The following CDH18 variants were observed in gnomAD, a reference collection of about 807,000 sequenced individuals.
CDH18 encodes the protein cadherin-18.
A neutral mutation model predicts 67.9 loss-of-function variants in CDH18; 31 were observed. The observed-to-expected ratio is 0.46, with a 90% CI of 0.34 to 0.62. CDH18 has a LOEUF of 0.62. CDH18 is among the 20% of genes least tolerant of loss of function. The pLI, the probability that CDH18 is intolerant of heterozygous loss-of-function variation, is 0.01. For synonymous variants in CDH18, 362 were observed against 347.2 expected (o/e 1.04, Z -0.48); for missense variants, 890 against 975.5 (o/e 0.91, Z 1.17).
chr5:20,520,108 C>T (rs1045123479), intron 1 of CDH18, among the ~76,000 whole-genome samples: 3 of 150,952 alleles, frequency 2.0e-5, no homozygotes, highest in South Asian at 4.2e-4. Flanking sequence ...CAGCAGATGT[C>T]CTTTTGAAAA....
At chr5:20,146,929 C>A (rs753754871) in intron 2 of CDH18, among the ~76,000 whole-genome samples, 5 of 151,992 alleles carry the variant, frequency 3.3e-5, no homozygotes, top group Admixed American at 2.0e-4. Flanking sequence ...TACTACTTTT[C>A]TTGACCTCTT....
chr5:20,469,495 TTC>T (rs1472288206), intron 1 of CDH18, among the ~76,000 whole-genome samples: 2 of 152,160 alleles, frequency 1.3e-5, no homozygotes, highest in African/African-American at 4.8e-5. Flanking sequence ...GCCAGAAAAT[TTC>T]TCTTTCTTCA....
At chr5:20,222,672 C>T (rs1347550476) in intron 2 of CDH18, among the ~76,000 whole-genome samples, 2 of 151,696 alleles carry the variant, frequency 1.3e-5, no homozygotes, top group East Asian at 3.9e-4. Context: ...AGAATTACAA[C>T]AGCCTTTTTT....
intron 2 of CDH18, among the ~76,000 whole-genome samples, chr5:20,152,699 A>G (rs1751218739): frequency 6.6e-6 from 1 of 152,156 alleles, no homozygotes; most frequent in Non-Finnish European, 1.5e-5. Context: ...AATAAATACA[A>G]GATGGTTCTA....
chr5:20,173,875 G>T (rs1737032369), intron 2 of CDH18, among the ~76,000 whole-genome samples: 1 of 151,988 alleles, frequency 6.6e-6, no homozygotes, highest in Non-Finnish European at 1.5e-5. Flanking sequence ...CGATTTTTAA[G>T]GAGATTAATC....
At chr5:19,563,468 T>C (rs1296681831) in intron 8 of CDH18, among the ~76,000 whole-genome samples, 1 of 152,184 alleles carries the variant, frequency 6.6e-6, no homozygotes, top group Admixed American at 6.6e-5. Flanking sequence ...AAAGCTACAT[T>C]CCCAAAAGCT....
Position 19,473,625 on chromosome 5 carries a change from A to G in CDH18, c.1974T>C (p.Tyr658=). The G allele has an allele frequency of 6.2e-7, 1 of 1,613,866 alleles. No homozygotes were observed. Among genetic ancestry groups the G allele is most frequent in the Non-Finnish European group, 8.5e-7 (1 of 1,179,838 alleles). ...EEDVRENVVT[Y]DDEGGGEEDT... ...CTTCCTCTCCGCCTCCTTCATCATC[A>G]TAGGTGACCACGTTCTCCCGTACAT... Residue 658 remains tyrosine (Y), a synonymous_variant, in exon 13 of 13, where the codon TAT becomes TAC. Coordinates refer to ENST00000382275, the MANE Select transcript of CDH18 (RefSeq NM_004934.5).
chr5:20,128,381 T>C (rs377642633), intron 2 of CDH18, among the ~76,000 whole-genome samples: 1 of 152,084 alleles, frequency 6.6e-6, no homozygotes, highest in Non-Finnish European at 1.5e-5. Context: ...AAAAGAAATA[T>C]ACATGGTGGA....
intron 2 of CDH18, among the ~76,000 whole-genome samples, chr5:20,039,251 T>C (rs193296867): frequency 1.3e-5 from 2 of 152,268 alleles, no homozygotes; most frequent in Admixed American, 1.3e-4. Context: ...ATCAATATCA[T>C]GAAAATAACC....
chr5:20,387,262 C>A (rs1208264790), intron 1 of CDH18, among the ~76,000 whole-genome samples: 2 of 152,162 alleles, frequency 1.3e-5, no homozygotes. Flanking sequence ...GTTTGTAGTT[C>A]TCCTTGAAGA....
chr5:19,853,694 G>T (rs756431468), intron 2 of CDH18, among the ~76,000 whole-genome samples: 13 of 152,134 alleles, frequency 8.5e-5, no homozygotes, highest in Non-Finnish European at 1.8e-4. Flanking sequence ...AATTAGGTGA[G>T]TGGAGGAGAT....
At chr5:20,206,261 C>T (rs879292568) in intron 2 of CDH18, among the ~76,000 whole-genome samples, 1 of 151,812 alleles carries the variant, frequency 6.6e-6, no homozygotes, top group Non-Finnish European at 1.5e-5. Flanking sequence ...TTCCTGGACA[C>T]ATATAACCTA....
intron 2 of CDH18, among the ~76,000 whole-genome samples, chr5:20,036,722 C>A (rs1008660326): frequency 6.6e-6 from 1 of 152,056 alleles, no homozygotes; most frequent in Non-Finnish European, 1.5e-5. Flanking sequence ...GTGTTAAAGT[C>A]TCCCACTATT....
chr5:20,270,137 G>A (rs762158032), intron 1 of CDH18, among the ~76,000 whole-genome samples: 2 of 150,420 alleles, frequency 1.3e-5, no homozygotes, highest in Middle Eastern at 3.2e-3. Flanking sequence ...TAAATAAAAT[G>A]ATGCAGGAGA....
chr5:20,228,846 T>C (rs1197017309), intron 2 of CDH18, among the ~76,000 whole-genome samples: 1 of 152,140 alleles, frequency 6.6e-6, no homozygotes, highest in Non-Finnish European at 1.5e-5. Flanking sequence ...ACATGGCATA[T>C]ATACCCAATG....
At chr5:19,970,274 A>T in intron 2 of CDH18, among the ~76,000 whole-genome samples, 1 of 151,404 alleles carries the variant, frequency 6.6e-6, no homozygotes, top group Non-Finnish European at 1.5e-5. Flanking sequence ...GAATATAAAC[A>T]TGAATAATAA....
chr5:20,390,748 C>G (rs1744775868), intron 1 of CDH18, among the ~76,000 whole-genome samples: 1 of 152,088 alleles, frequency 6.6e-6, no homozygotes, highest in Admixed American at 6.5e-5. Context: ...AAATGTCCAT[C>G]AATGATAGAC....
chr5:20,126,817 G>C (rs1056486879), intron 2 of CDH18, among the ~76,000 whole-genome samples: 41 of 152,074 alleles, frequency 2.7e-4, no homozygotes, highest in African/African-American at 9.2e-4. Flanking sequence ...AAAAAACAAG[G>C]CTTGCCTAGT....
chr5:19,539,631 G>A (rs1259853610), intron 9 of CDH18, among the ~76,000 whole-genome samples: 1 of 150,108 alleles, frequency 6.7e-6, no homozygotes, highest in East Asian at 2.0e-4. Flanking sequence ...CTGAGGCTGG[G>A]GAGGCCTCAC....
Sources: gnomAD v4.1 joint callset for allele counts (sites outside exome capture counted in the v4.1 genomes callset) on GRCh38, gnomAD v4.1.1 for gene constraint, MANE v1.5 for transcripts, NCBI Gene and HGNC (gene_info 2026-07-23, HGNC 2026-07-21) for gene names.